Variants in NLRP14 observed in about 807,000 individuals in gnomAD.
NLRP14 encodes NLR family pyrin domain containing 14, also known as NACHT, LRR and PYD domains-containing protein 14.
NLRP14 carries 105 observed loss-of-function variants against 94.7 expected under a neutral mutation model. The observed-to-expected ratio is 1.11, with a 90% CI of 0.95 to 1.30. The LOEUF is 1.30. Ranked by LOEUF, NLRP14 falls within the 50% of genes most tolerant of loss-of-function variation. The pLI, the probability that NLRP14 is intolerant of heterozygous loss-of-function variation, is 0.00. For synonymous variants in NLRP14, 508 were observed against 459.9 expected, an observed-to-expected ratio of 1.10 and a Z score of -1.34; for missense variants, 1,362 against 1,254.1, an observed-to-expected ratio of 1.09 and a Z score of -1.30.
intron 6 of NLRP14, among the ~76,000 whole-genome samples, chr11:7,056,234 C>A (rs1015189549): frequency 6.6e-6 from 1 of 151,642 alleles, no homozygotes; most frequent in African/African-American, 2.4e-5. Context: ...GTGAATATTA[C>A]AAGAGTGACA....
chr11:7,088,993 TCCGTGGA>T, the NLRP14 span: 12 of 1,140,664 alleles, frequency 1.1e-5, no homozygotes, highest in Non-Finnish European at 1.4e-5. Flanking sequence ...CGGCTGCGGT[TCCGTGGA>T]CTCGGCGACT....
the NLRP14 span, among the ~76,000 whole-genome samples, chr11:7,082,255 A>AT: frequency 7.2e-5 from 11 of 152,008 alleles, no homozygotes; most frequent in East Asian, 5.8e-4. Flanking sequence ...CTTTTAACTC[A>AT]TTTTTTTTCC....
At chr11:7,038,501 A>T in intron 1 of NLRP14, 65 bp from the exon 2 acceptor site, 1 of 1,321,712 alleles carries the variant, frequency 7.6e-7, no homozygotes, top group Non-Finnish European at 1.1e-6. Flanking sequence ...TTCATTTTCA[A>T]ATCTGTCTTT....
At chr11:7,075,342 A>G (rs11041163), downstream of NLRP14, among the ~76,000 whole-genome samples, 1,823 of 152,346 alleles carry the variant, frequency 0.012, 45 homozygotes, top group African/African-American at 0.042. Context: ...AAAATATACT[A>G]TGATTATTGT....
chr11:7,031,957 C>A (rs1486598290), intron 1 of NLRP14, among the ~76,000 whole-genome samples: 2 of 152,166 alleles, frequency 1.3e-5, no homozygotes, highest in Admixed American at 1.3e-4. Flanking sequence ...TGCTTTAGCA[C>A]CCCCACTCCC....
chr11:7,044,778 C>T (rs181570892), intron 4 of NLRP14, among the ~76,000 whole-genome samples: 30 of 151,548 alleles, frequency 2.0e-4, no homozygotes. Context: ...GGATATTTAA[C>T]ATAATGTGCA....
intron 1 of NLRP14, among the ~76,000 whole-genome samples, chr11:7,022,073 G>A (rs1040769322): frequency 6.6e-5 from 10 of 152,118 alleles, no homozygotes; most frequent in African/African-American, 2.2e-4. Flanking sequence ...TATAGCATAC[G>A]CAAGACTTTT....
intron 10 of NLRP14, among the ~76,000 whole-genome samples, chr11:7,065,199 A>G (rs1465656681): frequency 6.6e-6 from 1 of 152,132 alleles, no homozygotes; most frequent in Non-Finnish European, 1.5e-5. Context: ...CTCCTGATAC[A>G]CCAAAAAGAC....
chr11:7,031,115 T>C (rs1467362116), intron 1 of NLRP14, among the ~76,000 whole-genome samples: 2 of 152,120 alleles, frequency 1.3e-5, no homozygotes, highest in Non-Finnish European at 2.9e-5. Flanking sequence ...AGGGCCAGAG[T>C]GCGTTCCCCT....
chr11:7,080,928 G>C, the NLRP14 span, among the ~76,000 whole-genome samples: 1 of 152,126 alleles, frequency 6.6e-6, no homozygotes, highest in Non-Finnish European at 1.5e-5. Flanking sequence ...TCACAAGCTT[G>C]GAATGTTTAT....
At chr11:7,066,999 G>A (rs61879050) in intron 10 of NLRP14, among the ~76,000 whole-genome samples, 23,016 of 152,016 alleles carry the variant, frequency 0.15, 2,141 homozygotes, top group Non-Finnish European at 0.21. Flanking sequence ...TTTGTCAAAG[G>A]TCAAGTGGTT....
chr11:7,071,590 G>A (rs1258934459), downstream of NLRP14, among the ~76,000 whole-genome samples: 1 of 147,352 alleles, frequency 6.8e-6, no homozygotes, highest in African/African-American at 2.5e-5. Flanking sequence ...TGGATATGAG[G>A]CTGGAGGATG....
intron 6 of NLRP14, 25 bp downstream of exon 6, chr11:7,049,863 G>A (rs777279823): frequency 6.2e-7 from 1 of 1,604,752 alleles, no homozygotes; most frequent in Non-Finnish European, 8.5e-7. Context: ...GTTTTGTCTT[G>A]TTTTGTTTTT....
the NLRP14 span, among the ~76,000 whole-genome samples, chr11:7,084,653 C>G: frequency 6.6e-6 from 1 of 152,176 alleles, no homozygotes; most frequent in African/African-American, 2.4e-5. Context: ...CACTCCAGAC[C>G]CTTCCAGACC....
intron 2 of NLRP14, among the ~76,000 whole-genome samples, chr11:7,039,282 A>C (rs561167510): frequency 6.6e-6 from 1 of 152,318 alleles, no homozygotes; most frequent in Non-Finnish European, 1.5e-5. Flanking sequence ...AATCCAAGGC[A>C]GTATTTTTAG....
At chr11:7,073,693 C>CT (rs1852834368), downstream of NLRP14, among the ~76,000 whole-genome samples, 1 of 152,178 alleles carries the variant, frequency 6.6e-6, no homozygotes, top group Admixed American at 6.5e-5. Context: ...AAGTACTTTG[C>CT]TTATGTTTAC....
At chr11:7,048,421 T>A (rs554395198) in intron 5 of NLRP14, among the ~76,000 whole-genome samples, 1 of 152,336 alleles carries the variant, frequency 6.6e-6, no homozygotes, top group East Asian at 1.9e-4. Context: ...CCTGTCAATA[T>A]GTACAAGGTA....
At chr11:7,083,608 C>T in the NLRP14 span, among the ~76,000 whole-genome samples, 1 of 152,156 alleles carries the variant, frequency 6.6e-6, no homozygotes, top group Non-Finnish European at 1.5e-5. Context: ...GTGTCTGTCT[C>T]TTATTTTTGG....
intron 10 of NLRP14, among the ~76,000 whole-genome samples, chr11:7,065,377 GT>G (rs761714614): frequency 3.3e-5 from 5 of 152,068 alleles, no homozygotes; most frequent in Non-Finnish European, 5.9e-5. Context: ...AAACATAGGA[GT>G]TTTTAAAGTT....
Sources: gnomAD v4.1 joint callset for allele counts (sites outside exome capture counted in the v4.1 genomes callset) on GRCh38, gnomAD v4.1.1 for gene constraint, MANE v1.5 for transcripts, NCBI Gene and HGNC (gene_info 2026-07-23, HGNC 2026-07-21) for gene names.